Variants in ARID1A observed in about 807,000 individuals in gnomAD.
ARID1A encodes AT-rich interaction domain 1A.
In ARID1A, 20 loss-of-function variants were observed where a neutral mutation model predicts 212.6. That is an observed-to-expected ratio of 0.09 (90% CI 0.07 to 0.14). The LOEUF (loss-of-function observed/expected upper bound fraction) is 0.14, where lower values mean the gene tolerates loss of function less well. ARID1A is among the 10% of genes least tolerant of loss of function. ARID1A has a pLI of 1.00. For synonymous variants in ARID1A, 1,376 were observed against 1,222.1 expected, an observed-to-expected ratio of 1.13 and a Z score of -2.63; for missense variants, 2,587 against 3,059.0, an observed-to-expected ratio of 0.85 and a Z score of 3.64.
At chr1:26,738,723 T>C (rs1160176591) in intron 4 of ARID1A, among the ~76,000 whole-genome samples, 2 of 151,620 alleles carry the variant, frequency 1.3e-5, no homozygotes, top group African/African-American at 4.9e-5. Flanking sequence ...CACTCCCGGC[T>C]AGTTTTTGTA....
At chr1:26,767,402 A>G (rs1429920896) in intron 10 of ARID1A, among the ~76,000 whole-genome samples, 1 of 152,166 alleles carries the variant, frequency 6.6e-6, no homozygotes, top group African/African-American at 2.4e-5. Context: ...CCTGGGTAGT[A>G]GTGTGGGAGC....
In ARID1A at chr1:26,736,405, G is replaced by A. The variant is rs569149955; in HGVS notation, c.1920+3613G>A. Among the ~76,000 whole-genome samples, 66 of 150,400 alleles carry A rather than the reference G, an allele frequency of 4.4e-4. 1 individual carries two copies. Among genetic ancestry groups the A allele is most frequent in the East Asian group, 7.8e-4 (4 of 5,120 alleles). On this transcript the variant is annotated intron_variant, in intron 4 of 19. Coordinates refer to ENST00000324856, the MANE Select transcript of ARID1A (RefSeq NM_006015.6). ...AGCACTTTGGGAGGCCGAGGCTGGC[G>A]GATCACAAGGTCAGGAGTTCGAGAC...
In ARID1A at chr1:26,771,366, C is replaced by G. The variant is rs1301654270; in HGVS notation, c.3406+40C>G. On this transcript the variant is annotated intron_variant, in intron 12 of 19. Transcript: ENST00000324856. This position sits in a 1 kb window ranked among gnomAD's most constrained non-coding sequence, Gnocchi z 5.4. ...AGCGGCCCCACCAAGGCTGAGAGGG[C>G]CTGTTGCCCTGGCCTCTTATTCAGG... 6.3e-7 allele frequency: 1 copy of G among 1,585,076 alleles called. No homozygotes were observed. The highest frequency in any genetic ancestry group is 8.7e-7 in the Non-Finnish European group (1 of 1,155,148).
chr1:26,697,535 C>T lies in ARID1A; in HGVS notation c.1132C>T (p.Pro378Ser), dbSNP rs1030472485. 47 of 1,382,102 alleles carry T rather than the reference C, an allele frequency of 3.4e-5. No homozygotes were observed. The African/African-American group carries it at 4.4e-4, about 13-fold the overall frequency. The allele number at this position is 1,382,102 out of a possible 1,614,324, so 85.6% of individuals were successfully genotyped here. Residue 378 changes from proline (P) to serine (S), a missense_variant, in exon 1 of 20, where the codon CCT becomes TCT. Transcript: ENST00000324856. ...CGGGGGGCAGCCGCTCGCCCGGACC[C>T]CTCAGGTACACAGCTGAGTGGGGAG... ...GGGGQPLART[P>S]QPSSPMDQMG...
At chr1:26,766,435 A>G (rs2124081097) in intron 9 of ARID1A, 22 bp from the exon 10 acceptor site, 1 of 1,613,890 alleles carries the variant, frequency 6.2e-7, no homozygotes, top group Non-Finnish European at 8.5e-7. Context: ...ACTGGACTTG[A>G]GAATTTTTTT....
At chr1:26,730,162 G>A (rs1372827842) in intron 2 of ARID1A, among the ~76,000 whole-genome samples, 1 of 152,202 alleles carries the variant, frequency 6.6e-6, no homozygotes, top group Non-Finnish European at 1.5e-5. Context: ...GAAAGGCAGT[G>A]GCTGAACATG....
At chr1:26,718,635 A>G (rs1200773197) in intron 1 of ARID1A, among the ~76,000 whole-genome samples, 1 of 152,194 alleles carries the variant, frequency 6.6e-6, no homozygotes, top group Non-Finnish European at 1.5e-5. Flanking sequence ...TCATCTCTAG[A>G]TTACTTATAA....
chr1:26,714,650 C>T (rs1186513959), intron 1 of ARID1A, among the ~76,000 whole-genome samples: 1 of 152,110 alleles, frequency 6.6e-6, no homozygotes, highest in Non-Finnish European at 1.5e-5. Context: ...CTCCTGACCT[C>T]ATGATCCACC....
At chr1:26,704,688 C>T (rs1557576012) in intron 1 of ARID1A, among the ~76,000 whole-genome samples, 1 of 151,920 alleles carries the variant, frequency 6.6e-6, no homozygotes, top group Admixed American at 6.6e-5. Context: ...TAGGGAGACC[C>T]CATCTTTACA....
At chr1:26,753,561 A>G (rs2080903007) in intron 4 of ARID1A, among the ~76,000 whole-genome samples, 1 of 152,238 alleles carries the variant, frequency 6.6e-6, no homozygotes, top group Non-Finnish European at 1.5e-5. Flanking sequence ...GTAGATGAGC[A>G]ATAAAATGCA....
At chr1:26,724,350 C>G (rs1197193793) in intron 1 of ARID1A, among the ~76,000 whole-genome samples, 1 of 152,150 alleles carries the variant, frequency 6.6e-6, no homozygotes, top group Non-Finnish European at 1.5e-5. Flanking sequence ...AATTTAGCTC[C>G]TTAGGGTTGC....
chr1:26,696,861 C>T lies in ARID1A; in HGVS notation c.458C>T (p.Pro153Leu), dbSNP rs769828930. 9.6e-6 allele frequency: 13 copies of T among 1,354,774 alleles called. No homozygotes were observed. In the Admixed American group the frequency reaches 1.6e-4, roughly 17 times the overall value. The allele number at this position is 1,354,774 out of a possible 1,614,324, so 83.9% of individuals were successfully genotyped here. A position where few individuals can be genotyped will look rare whatever the true frequency, so the allele number is the denominator to read the frequency against. The part of the protein sequence containing the change: ...LPPPAYGFGQ[P>L]YGRSPSAVAA... ...CCCCCAGCCTACGGCTTCGGGCAAC[C>T]CTACGGCCGGAGCCCGTCTGCCGTC... Residue 153 changes from proline (P) to leucine (L), a missense_variant, in exon 1 of 20, where the codon CCC (proline) becomes CTC (leucine). This residue lies in a region of ARID1A where 735 missense variants were observed against 590.6 expected (regional missense o/e 1.24). Transcript: ENST00000324856.
chr1:26,773,690 C>CGCA lies in ARID1A; in HGVS notation c.3999_4001dup (p.Gln1334dup), dbSNP rs374564889. ...ATGTATTCTCCTAGCCGCTACCCCC[C>CGCA]GCAGCAGCAGCAGCAGCAGCAGCAA... is the stretch of plus-strand genomic sequence containing the variant. On this transcript the variant is annotated inframe_insertion, in exon 16 of 20. Transcript: ENST00000324856. 2.7e-3 allele frequency: 4,433 copies of CGCA among 1,613,326 alleles called. 25 individuals are homozygous for CGCA. The highest frequency in any genetic ancestry group is 0.018 in the South Asian group (1,648 of 91,002).
At chr1:26,732,453 T>C (rs1378597170) in intron 3 of ARID1A, among the ~76,000 whole-genome samples, 2 of 152,210 alleles carry the variant, frequency 1.3e-5, no homozygotes, top group East Asian at 3.8e-4. Context: ...GAAACAGCCC[T>C]CTGTAGGCAG....
At position 26,772,801 on chromosome 1, in the gene ARID1A, T is replaced by C. The variant is rs200514210; in HGVS notation, c.3540-11T>C. ...TTATTTGTGGTTTACTTGGTTTTCC[T>C]CACTCTGGAGCAGGAGCAATTCAGT... On this transcript the variant is annotated splice_polypyrimidine_tract_variant and intron_variant, in intron 13 of 19. Transcript: ENST00000324856. The C allele has an allele frequency of 8.1e-6, 13 of 1,611,312 alleles. No homozygotes were observed. In the East Asian group the frequency reaches 2.9e-4, roughly 36 times the overall value.
In ARID1A at chr1:26,774,575, G is replaced by A. The variant is rs1330309030; in HGVS notation, c.4348G>A (p.Gly1450Ser). ...TGCTACTGAGCGCCGACCAGCAGGC[G>A]GCCCCCAGAACCAATTTCCATTCCA... Reference protein sequence around the residue: ...TAATERRPAGGPQNQFPFQFG... With the variant: ...TAATERRPAGSPQNQFPFQFG... The change falls in exon 18 of 20, where the codon GGC becomes AGC. Residue 1450 changes from glycine to serine, a missense_variant. Physicochemically the swap from Gly to Ser is moderately conservative, Grantham distance 56. Transcript: ENST00000324856. This position sits in a 1 kb window ranked among gnomAD's most constrained non-coding sequence, Gnocchi z 5.6. 6.2e-6 allele frequency: 10 copies of A among 1,614,156 alleles called. No individual in the cohort carries two copies. Among genetic ancestry groups the A allele is most frequent in the South Asian group, 1.1e-5 (1 of 91,082 alleles).
At chr1:26,720,604 G>A (rs192518009) in intron 1 of ARID1A, among the ~76,000 whole-genome samples, 3 of 152,208 alleles carry the variant, frequency 2.0e-5, no homozygotes, top group Admixed American at 6.5e-5. Context: ...CTGGCTGGGC[G>A]CAGTGGCTCA....
At position 26,761,458 on chromosome 1, in the gene ARID1A, A is replaced by G. The variant is rs2080991433; in HGVS notation, c.2236A>G (p.Ile746Val). Residue 746 changes from isoleucine to valine, a missense_variant, in exon 6 of 20, where the codon ATT becomes GTT. By Grantham distance (29) the Ile-to-Val change is conservative (BLOSUM62 3). Transcript: ENST00000324856. Reference sequence around the variant, plus strand: ...GCATCCTTCCATGAACCAATCAAGCATTGCCCAAGATCGAGGTGAGAGCCT... The same window carrying G: ...GCATCCTTCCATGAACCAATCAAGCGTTGCCCAAGATCGAGGTGAGAGCCT... ...IMHPSMNQSS[I>V]AQDRGYMQRN... is the part of the protein sequence containing the mutation. The G allele has an allele frequency of 6.2e-7, 1 of 1,614,226 alleles. No homozygotes were observed. The highest frequency in any genetic ancestry group is 1.1e-5 in the South Asian group (1 of 91,090).
chr1:26,729,497 G>T, intron 1 of ARID1A, 154 bp from the exon 2 acceptor site: 1 of 810,772 alleles, frequency 1.2e-6, no homozygotes, highest in Non-Finnish European at 2.0e-6. Flanking sequence ...CGGGTCAGTT[G>T]ACTTAAAGGT....
Sources: allele counts gnomAD v4.1 joint callset (sites outside exome capture counted in the v4.1 genomes callset), GRCh38; gene constraint gnomAD v4.1.1; regional missense constraint gnomAD v4.1.1; non-coding constraint Gnocchi (gnomAD v3.1); transcripts MANE v1.5; gene names NCBI Gene and HGNC (gene_info 2026-07-23, HGNC 2026-07-21).